MORC1: variants seen among roughly 807,000 people sequenced by gnomAD.
MORC1 encodes the protein MORC family CW-type zinc finger protein 1.
In MORC1, 59 loss-of-function variants were observed where a neutral mutation model predicts 134.9. That is an observed-to-expected ratio of 0.44 (90% CI 0.35 to 0.54). The LOEUF is 0.54. Ranked by LOEUF, MORC1 falls within the 20% of genes least tolerant of loss-of-function variation. The pLI is 0.00. For missense variants in MORC1, 947 were observed against 1,134.5 expected, an observed-to-expected ratio of 0.83 and a Z score of 2.37; for synonymous variants, 395 against 391.7, an observed-to-expected ratio of 1.01 and a Z score of -0.10.
chr3:109,094,748 T>C (rs1469731289), intron 7 of MORC1, among the ~76,000 whole-genome samples, 161 bp downstream of exon 7: 1 of 152,208 alleles, frequency 6.6e-6, no homozygotes, highest in African/African-American at 2.4e-5. Context: ...GTTTGGATGC[T>C]CTTAAGACAA....
Position 109,000,634 on chromosome 3 carries a change from T to C in MORC1, c.2110A>G (p.Lys704Glu). Residue 704 changes from lysine (K) to glutamate (E), a missense_variant, in exon 21 of 28, where the codon AAG (lysine) becomes GAG (glutamate). Physicochemically the swap from Lys to Glu is moderately conservative, Grantham distance 56. Around this residue, in one of 3 missense-constraint regions of MORC1, gnomAD observed 722 missense variants for 817.0 expected, o/e 0.88. Coordinates refer to ENST00000232603, the MANE Select transcript of MORC1 (RefSeq NM_014429.4). The part of the protein sequence containing the change: ...AQAASWEMKR[K>E]QSLNFVEECK... ...TCCTCTACAAAGTTCAGACTCTGCT[T>C]CCTTTTCATTTCCCAAGAAGCGGCC... 6.2e-7 allele frequency: 1 copy of C among 1,610,710 alleles called. No homozygotes were observed. Among genetic ancestry groups the C allele is most frequent in the Non-Finnish European group, 8.5e-7 (1 of 1,178,888 alleles).
chr3:109,041,110 G>A (rs767739207), intron 14 of MORC1, among the ~76,000 whole-genome samples: 53 of 151,352 alleles, frequency 3.5e-4, no homozygotes, highest in Non-Finnish European at 1.9e-4. Flanking sequence ...CAGAGATCAA[G>A]ACCATCCTGG....
At chr3:108,978,006 C>T (rs761711389) in intron 24 of MORC1, among the ~76,000 whole-genome samples, 1 of 152,086 alleles carries the variant, frequency 6.6e-6, no homozygotes, top group Non-Finnish European at 1.5e-5. Flanking sequence ...GCCTCCCTAG[C>T]AGCTGGGACT....
intron 17 of MORC1, among the ~76,000 whole-genome samples, chr3:109,007,330 T>C (rs1327789268): frequency 1.3e-5 from 2 of 152,172 alleles, no homozygotes; most frequent in East Asian, 3.9e-4. Flanking sequence ...TCAAATGTGT[T>C]ATGAACAAGG....
At chr3:109,085,260 G>A (rs1487989188) in intron 8 of MORC1, among the ~76,000 whole-genome samples, 3 of 151,816 alleles carry the variant, frequency 2.0e-5, no homozygotes, top group Non-Finnish European at 4.4e-5. Flanking sequence ...TAGACAAATG[G>A]CATTACATCA....
intron 8 of MORC1, among the ~76,000 whole-genome samples, chr3:109,080,397 C>T (rs1193801864): frequency 6.6e-6 from 1 of 152,128 alleles, no homozygotes; most frequent in Non-Finnish European, 1.5e-5. Flanking sequence ...GATTCAATTA[C>T]CTCCCACCAG....
At chr3:109,023,197 CACAA>C (rs1408548928) in intron 17 of MORC1, among the ~76,000 whole-genome samples, 2 of 152,096 alleles carry the variant, frequency 1.3e-5, no homozygotes, top group Non-Finnish European at 1.5e-5. Context: ...GACAAGAATG[CACAA>C]ACAAAGGCCT....
At position 109,116,528 on chromosome 3, in the gene MORC1, C is replaced by T. The variant is rs529109336; in HGVS notation, c.65+1467G>A. On this transcript the variant is annotated intron_variant, in intron 1 of 27. Coordinates refer to ENST00000232603, the MANE Select transcript of MORC1 (RefSeq NM_014429.4). ...GCTCATGACTGTAATCCCAGCACTC[C>T]GGGAGGCCGAAGTGGGAGGATCACC... Among the ~76,000 whole-genome samples, 14 of 152,268 alleles carry T rather than the reference C, an allele frequency of 9.2e-5. 1 individual carries two copies. The Middle Eastern group carries it at 0.01, about 111-fold the overall frequency.
intron 2 of MORC1, among the ~76,000 whole-genome samples, chr3:109,113,744 G>T (rs769770579): frequency 6.6e-6 from 1 of 151,590 alleles, no homozygotes; most frequent in Non-Finnish European, 1.5e-5. Flanking sequence ...TGTTTAACGG[G>T]TTCCTTAATC....
intron 16 of MORC1, among the ~76,000 whole-genome samples, chr3:109,031,494 A>G (rs1403941608): frequency 6.6e-6 from 1 of 152,214 alleles, no homozygotes; most frequent in Non-Finnish European, 1.5e-5. Flanking sequence ...TGGTAAGTTC[A>G]TATGATTAAC....
intron 21 of MORC1, among the ~76,000 whole-genome samples, chr3:108,998,242 G>C (rs1370391919): frequency 1.3e-5 from 2 of 152,190 alleles, no homozygotes; most frequent in Non-Finnish European, 2.9e-5. Flanking sequence ...TTGAACTGAA[G>C]CTGTATTTAT....
chr3:109,104,848 C>T (rs929028163), intron 3 of MORC1, among the ~76,000 whole-genome samples: 2 of 137,546 alleles, frequency 1.5e-5, no homozygotes, highest in Admixed American at 7.8e-5. Context: ...GTTTAAAGTG[C>T]ACAATTTGAC....
intron 24 of MORC1, 146 bp from the exon 25 acceptor site, chr3:108,971,548 T>C (rs374790461): frequency 1.5e-6 from 1 of 666,702 alleles, no homozygotes; most frequent in South Asian, 2.0e-5. Flanking sequence ...TTTTTATCAC[T>C]GACATCAAAG....
intron 26 of MORC1, among the ~76,000 whole-genome samples, chr3:108,966,463 G>A (rs745435717): frequency 1.3e-5 from 2 of 152,066 alleles, no homozygotes; most frequent in Non-Finnish European, 2.9e-5. Flanking sequence ...GATTCAACAC[G>A]TAACTATTAA....
chr3:109,026,957 G>A (rs1170745783), intron 17 of MORC1, among the ~76,000 whole-genome samples: 1 of 152,216 alleles, frequency 6.6e-6, no homozygotes, highest in Non-Finnish European at 1.5e-5. Flanking sequence ...AGGTAAAAGA[G>A]TAATCTTCTA....
At chr3:108,998,472 G>T (rs1173157288) in intron 21 of MORC1, among the ~76,000 whole-genome samples, 2 of 152,090 alleles carry the variant, frequency 1.3e-5, no homozygotes, top group East Asian at 1.9e-4. Flanking sequence ...GTCTTTTGTG[G>T]TAGCTAATTA....
intron 8 of MORC1, among the ~76,000 whole-genome samples, chr3:109,091,307 G>T (rs955676076): frequency 2.0e-5 from 3 of 151,214 alleles, no homozygotes; most frequent in African/African-American, 7.4e-5. Context: ...AGCCGGGCAG[G>T]GTGGCACATG....
At chr3:109,070,571 C>A (rs140228355) in intron 8 of MORC1, among the ~76,000 whole-genome samples, 1 of 152,114 alleles carries the variant, frequency 6.6e-6, no homozygotes, top group African/African-American at 2.4e-5. Context: ...CTTTACTACT[C>A]GGTCACAGAA....
intron 14 of MORC1, among the ~76,000 whole-genome samples, chr3:109,042,143 C>T (rs1048490105): frequency 2.0e-5 from 3 of 152,076 alleles, no homozygotes; most frequent in African/African-American, 4.8e-5. Context: ...TGGGAAAGAA[C>T]CCAGTCGGTG....
Sources: gnomAD v4.1 joint callset for allele counts (sites outside exome capture counted in the v4.1 genomes callset) on GRCh38, gnomAD v4.1.1 for gene constraint, gnomAD v4.1.1 regional missense constraint, MANE v1.5 for transcripts, NCBI Gene and HGNC (gene_info 2026-07-23, HGNC 2026-07-21) for gene names.